Variants in HCN1 observed in about 807,000 individuals in gnomAD.
HCN1 encodes potassium/sodium hyperpolarization-activated cyclic nucleotide-gated channel 1.
HCN1 carries 13 observed loss-of-function variants against 78.9 expected under a neutral mutation model. The ratio of observed to expected loss-of-function variants is 0.16; its 90% confidence interval spans 0.11 to 0.26. The LOEUF is 0.26. HCN1 is among the 10% of genes least tolerant of loss of function. HCN1 has a pLI of 1.00. For synonymous variants in HCN1, 552 were observed against 455.5 expected, an observed-to-expected ratio of 1.21 and a Z score of -2.70; for missense variants, 810 against 1,154.3, an observed-to-expected ratio of 0.70 and a Z score of 4.32.
intron 1 of HCN1, among the ~76,000 whole-genome samples, chr5:45,678,666 AAC>A (rs1739643756): frequency 6.6e-6 from 1 of 151,992 alleles, no homozygotes; most frequent in Non-Finnish European, 1.5e-5. Flanking sequence ...AGGATACAGA[AAC>A]ACATAATGAA....
intron 5 of HCN1, among the ~76,000 whole-genome samples, chr5:45,346,428 G>A (rs543213949): frequency 3.2e-4 from 49 of 152,282 alleles, no homozygotes; most frequent in Admixed American, 7.2e-4. Context: ...AGCTCCCAGC[G>A]TGAGTGACAC....
intron 3 of HCN1, among the ~76,000 whole-genome samples, chr5:45,441,176 CAT>C (rs1740671120): frequency 1.3e-5 from 2 of 152,108 alleles, no homozygotes. Flanking sequence ...AATTTTGTAA[CAT>C]AGTTTGTGCT....
chr5:45,323,060 C>A (rs1484808885), intron 5 of HCN1, among the ~76,000 whole-genome samples: 1 of 151,782 alleles, frequency 6.6e-6, no homozygotes, highest in Non-Finnish European at 1.5e-5. Context: ...TGATACAGTT[C>A]CGTTTTTAGA....
rs529856293 is a variant in HCN1 at position 45,569,405 on chromosome 5, T to C, written c.849+75780A>G. 2.2e-4 allele frequency among the ~76,000 whole-genome samples: 34 copies of C among 152,310 alleles called. No homozygotes were observed. In the East Asian group the frequency reaches 6.6e-3, roughly 29 times the overall value. On this transcript the variant is annotated intron_variant, in intron 2 of 7. Coordinates refer to ENST00000303230, the MANE Select transcript of HCN1 (RefSeq NM_021072.4). The stretch of plus-strand genomic sequence containing the variant: ...TACCCATGTAGAAAGATTTATATTT[T>C]AAAAATTCTTTTGAGAAATTCAGAA...
At position 45,454,965 on chromosome 5, in the gene HCN1, G is replaced by A. The variant is rs189652136; in HGVS notation, c.1011+6881C>T. Among the ~76,000 whole-genome samples, 6 of 152,120 alleles carry A rather than the reference G, an allele frequency of 3.9e-5. No individual in the cohort carries two copies. In the East Asian group the frequency reaches 1.2e-3, roughly 29 times the overall value. On this transcript the variant is annotated intron_variant, in intron 3 of 7. Transcript: ENST00000303230. ...TGATTATAGTTTTTGAGCTAGAAGTGCCTGAAGTATCTTGATTCCCCACTC... is the reference window on the plus strand; with the variant it reads ...TGATTATAGTTTTTGAGCTAGAAGTACCTGAAGTATCTTGATTCCCCACTC...
intron 1 of HCN1, among the ~76,000 whole-genome samples, chr5:45,658,638 C>G (rs1745843204): frequency 1.3e-5 from 2 of 151,566 alleles, no homozygotes; most frequent in Middle Eastern, 3.4e-3. Flanking sequence ...ATTGCCTCAC[C>G]TGGGAAGCGC....
intron 2 of HCN1, among the ~76,000 whole-genome samples, chr5:45,633,694 G>A (rs909666896): frequency 1.3e-5 from 2 of 151,810 alleles, no homozygotes; most frequent in Non-Finnish European, 2.9e-5. Context: ...ATATGATTAA[G>A]TTCTATATTT....
intron 2 of HCN1, among the ~76,000 whole-genome samples, chr5:45,628,061 CA>C (rs1745201471): frequency 6.6e-6 from 1 of 152,170 alleles, no homozygotes; most frequent in African/African-American, 2.4e-5. Flanking sequence ...GTAGAGAACT[CA>C]AAAACTAGCA....
At chr5:45,319,808 C>G (rs889447747) in intron 5 of HCN1, among the ~76,000 whole-genome samples, 7 of 151,574 alleles carry the variant, frequency 4.6e-5, no homozygotes, top group Admixed American at 3.3e-4. Flanking sequence ...TCTAAATACT[C>G]TGAAACTTTA....
At chr5:45,453,319 T>G (rs1187562541) in intron 3 of HCN1, among the ~76,000 whole-genome samples, 1 of 152,102 alleles carries the variant, frequency 6.6e-6, no homozygotes, top group Non-Finnish European at 1.5e-5. Flanking sequence ...TATTCCAATC[T>G]GCATCAATTC....
chr5:45,533,011 C>T (rs921382461), intron 2 of HCN1, among the ~76,000 whole-genome samples: 8 of 152,108 alleles, frequency 5.3e-5, no homozygotes, highest in African/African-American at 1.4e-4. Context: ...GAACATGTCA[C>T]TGACAGAGAC....
intron 6 of HCN1, among the ~76,000 whole-genome samples, chr5:45,271,659 C>T (rs187959671): frequency 1.4e-3 from 215 of 152,164 alleles, no homozygotes; most frequent in Admixed American, 4.3e-3. Context: ...CTTTATATCT[C>T]CAGTGCCTAC....
At chr5:45,492,614 G>A (rs1377208482) in intron 2 of HCN1, among the ~76,000 whole-genome samples, 7 of 141,582 alleles carry the variant, frequency 4.9e-5, no homozygotes, top group African/African-American at 1.6e-4. Flanking sequence ...TGATTCTCCT[G>A]TCTCAGCCTC....
At chr5:45,345,950 GAA>G (rs920358763) in intron 5 of HCN1, among the ~76,000 whole-genome samples, 1 of 152,222 alleles carries the variant, frequency 6.6e-6, no homozygotes, top group Non-Finnish European at 1.5e-5. Flanking sequence ...ATTCATAAAG[GAA>G]AGAGGTTTAT....
chr5:45,397,635 A>T (rs1287250142), intron 3 of HCN1, among the ~76,000 whole-genome samples: 1 of 151,756 alleles, frequency 6.6e-6, no homozygotes, highest in African/African-American at 2.4e-5. Flanking sequence ...CGGGAAAAAA[A>T]CTTATTAAAT....
chr5:45,598,897 TA>T (rs1433849945), intron 2 of HCN1, among the ~76,000 whole-genome samples: 1 of 152,142 alleles, frequency 6.6e-6, no homozygotes, highest in Non-Finnish European at 1.5e-5. Flanking sequence ...TGGCGATCAT[TA>T]AAAAGTCAGG....
intron 2 of HCN1, among the ~76,000 whole-genome samples, chr5:45,553,312 T>C (rs1159284909): frequency 2.6e-5 from 4 of 151,842 alleles, no homozygotes; most frequent in African/African-American, 9.7e-5. Context: ...ACATCCTCTC[T>C]TGCTTTTCCC....
intron 2 of HCN1, among the ~76,000 whole-genome samples, chr5:45,482,548 A>G (rs748709683): frequency 3.3e-5 from 5 of 152,200 alleles, no homozygotes; most frequent in African/African-American, 4.8e-5. Flanking sequence ...GACACCTCCA[A>G]AACGATTTCT....
intron 3 of HCN1, among the ~76,000 whole-genome samples, chr5:45,415,334 C>G (rs562619483): frequency 6.6e-6 from 1 of 152,140 alleles, no homozygotes; most frequent in African/African-American, 2.4e-5. Context: ...AATCATGCCA[C>G]TCCCATGCTT....
Sources: gnomAD v4.1 joint callset for allele counts (sites outside exome capture counted in the v4.1 genomes callset) on GRCh38, gnomAD v4.1.1 for gene constraint, MANE v1.5 for transcripts, NCBI Gene and HGNC (gene_info 2026-07-23, HGNC 2026-07-21) for gene names.